The following CDH23 variants were observed in gnomAD, a reference collection of about 807,000 sequenced individuals.
The protein encoded by CDH23 is cadherin-23.
CDH23 carries 189 observed loss-of-function variants against 317.1 expected under a neutral mutation model. That is an observed-to-expected ratio of 0.60 (90% CI 0.53 to 0.67). The LOEUF (loss-of-function observed/expected upper bound fraction) is 0.67. CDH23 is among the 30% of genes least tolerant of loss of function. The probability of loss-of-function intolerance (pLI) is 0.00; values close to 1 mark genes in which losing one functional copy is unlikely to be tolerated. For missense variants in CDH23, 4,401 were observed against 4,592.4 expected, an observed-to-expected ratio of 0.96 and a Z score of 1.20; for synonymous variants, 1,839 against 1,876.8, an observed-to-expected ratio of 0.98 and a Z score of 0.52.
At position 71,759,820 on chromosome 10, in the gene CDH23, T is replaced by TAC. The variant is rs1289055534; in HGVS notation, c.4846-17834_4846-17833dup. ...GAGTGAAACCGTGTTTCAGAAAATATACACACACACACACACACACACACA... is the reference window on the plus strand; with the variant it reads ...GAGTGAAACCGTGTTTCAGAAAATATACACACACACACACACACACACACACA... On this transcript the variant is annotated intron_variant, in intron 38 of 69. Transcript: ENST00000224721. 1.8e-3 allele frequency among the ~76,000 whole-genome samples: 151 copies of TAC among 85,368 alleles called. 16 individuals carry two copies. Among genetic ancestry groups the TAC allele is most frequent in the Admixed American group, 6.3e-3 (48 of 7,626 alleles). The allele number at this position is 85,368 out of a possible 152,430, so 56.0% of individuals were successfully genotyped here.
intron 25 of CDH23, 86 bp downstream of exon 25, chr10:71,705,216 C>G: frequency 8.0e-7 from 1 of 1,252,588 alleles, no homozygotes; most frequent in South Asian, 1.4e-5. Flanking sequence ...GAGCCCATGT[C>G]CCCCACTGCT....
intron 3 of CDH23, among the ~76,000 whole-genome samples, chr10:71,463,018 G>A (rs369289717): frequency 2.9e-4 from 44 of 152,266 alleles, no homozygotes; most frequent in Middle Eastern, 3.4e-3. Context: ...CATTTCCCCC[G>A]TCTAAAATGA....
intron 1 of CDH23, among the ~76,000 whole-genome samples, chr10:71,424,396 A>G (rs749381688): frequency 7.9e-5 from 12 of 152,244 alleles, no homozygotes; most frequent in Admixed American, 3.9e-4. Flanking sequence ...CAATCCAAAC[A>G]GCATCTCACA....
intron 22 of CDH23, 73 bp downstream of exon 22, chr10:71,695,598 C>T: frequency 2.8e-6 from 3 of 1,061,714 alleles, no homozygotes; most frequent in Non-Finnish European, 4.4e-6. Context: ...ACTGCGATTC[C>T]AGGGGGCCTT....
chr10:71,530,465 C>G (rs557688682), intron 6 of CDH23, among the ~76,000 whole-genome samples: 1 of 152,266 alleles, frequency 6.6e-6, no homozygotes, highest in Non-Finnish European at 1.5e-5. Flanking sequence ...GAAGCACCCC[C>G]TTTCCACTCT....
chr10:71,513,319 G>T (rs1589152339), intron 6 of CDH23, among the ~76,000 whole-genome samples: 1 of 152,234 alleles, frequency 6.6e-6, no homozygotes. Context: ...GCCTGGTGTG[G>T]TCACCTGAGC....
At chr10:71,603,067 G>T (rs1303806377) in intron 9 of CDH23, among the ~76,000 whole-genome samples, 1 of 152,168 alleles carries the variant, frequency 6.6e-6, no homozygotes, top group African/African-American at 2.4e-5. Context: ...AGGCCCAGTG[G>T]TAGATAGGTG....
intron 18 of CDH23, among the ~76,000 whole-genome samples, chr10:71,686,431 T>C (rs1864899558): frequency 6.6e-6 from 1 of 151,920 alleles, no homozygotes; most frequent in African/African-American, 2.4e-5. Context: ...AAGGGGCAGA[T>C]TGGAGAAAGA....
At chr10:71,532,779 G>C (rs1381224398) in intron 6 of CDH23, among the ~76,000 whole-genome samples, 4 of 146,550 alleles carry the variant, frequency 2.7e-5, no homozygotes. Context: ...ATCCAGGCTG[G>C]AGTGCAGTGG....
intron 28 of CDH23, chr10:71,717,357 T>G (rs1306878390): frequency 6.6e-6 from 1 of 152,286 alleles, no homozygotes; most frequent in Non-Finnish European, 1.5e-5. Context: ...GCCACCCCTC[T>G]GGCCCCCAGC....
intron 6 of CDH23, among the ~76,000 whole-genome samples, chr10:71,541,880 A>C (rs1167017894): frequency 6.6e-6 from 1 of 152,246 alleles, no homozygotes; most frequent in Non-Finnish European, 1.5e-5. Flanking sequence ...ACTTTTACAC[A>C]TCACAAAATA....
intron 14 of CDH23, among the ~76,000 whole-genome samples, chr10:71,661,111 C>T (rs1863629597): frequency 6.6e-6 from 1 of 152,222 alleles, no homozygotes; most frequent in Non-Finnish European, 1.5e-5. Context: ...CTGCAAGATG[C>T]CAAAATTCTT....
chr10:71,604,749 C>T (rs998754967), intron 9 of CDH23, among the ~76,000 whole-genome samples: 3 of 152,248 alleles, frequency 2.0e-5, no homozygotes, highest in African/African-American at 7.2e-5. Flanking sequence ...CAGAATCTTC[C>T]AGGGCCTGGC....
intron 38 of CDH23, among the ~76,000 whole-genome samples, chr10:71,759,035 A>G (rs1015134681): frequency 6.6e-6 from 1 of 151,602 alleles, no homozygotes; most frequent in African/African-American, 2.4e-5. Context: ...ATGCCAGGCA[A>G]ATTTTGGGTT....
chr10:71,736,737 G>T (rs973024711), intron 34 of CDH23, among the ~76,000 whole-genome samples: 2 of 152,212 alleles, frequency 1.3e-5, no homozygotes, highest in East Asian at 1.9e-4. Context: ...CAGGCACTAG[G>T]CTGGGTTCAG....
intron 3 of CDH23, among the ~76,000 whole-genome samples, chr10:71,480,524 A>G (rs1270370912): frequency 1.3e-5 from 2 of 152,174 alleles, no homozygotes; most frequent in Non-Finnish European, 2.9e-5. Flanking sequence ...TGGCTGCTGC[A>G]TTGGAGCTGA....
intron 30 of CDH23, among the ~76,000 whole-genome samples, chr10:71,726,613 A>T (rs944953485): frequency 2.6e-5 from 4 of 152,204 alleles, no homozygotes; most frequent in African/African-American, 9.6e-5. Context: ...GGCCCTGGTG[A>T]TGGAGACTCA....
At chr10:71,451,417 C>T (rs1850439619) in intron 3 of CDH23, among the ~76,000 whole-genome samples, 1 of 152,224 alleles carries the variant, frequency 6.6e-6, no homozygotes, top group Non-Finnish European at 1.5e-5. Context: ...CAGCCCAGCA[C>T]CTGCCACCTG....
intron 24 of CDH23, among the ~76,000 whole-genome samples, chr10:71,703,294 G>A (rs181808165): frequency 2.0e-5 from 3 of 152,292 alleles, no homozygotes; most frequent in Admixed American, 2.0e-4. Flanking sequence ...CCCTCCGGGG[G>A]CCATTCAGAA....
Sources: allele counts gnomAD v4.1 joint callset (sites outside exome capture counted in the v4.1 genomes callset), GRCh38; gene constraint gnomAD v4.1.1; transcripts MANE v1.5; gene names NCBI Gene and HGNC (gene_info 2026-07-23, HGNC 2026-07-21).